NAA35: variants seen among roughly 807,000 people sequenced by gnomAD.
NAA35 encodes the protein MAK10 homolog, amino-acid N-acetyltransferase subunit.
NAA35 carries 18 observed loss-of-function variants against 101.7 expected under a neutral mutation model. That is an observed-to-expected ratio of 0.18 (90% CI 0.12 to 0.26). NAA35 has a LOEUF of 0.26. NAA35 is among the 10% of genes least tolerant of loss of function. The pLI is 1.00. For synonymous variants in NAA35, 267 were observed against 273.1 expected (o/e 0.98, Z 0.22); for missense variants, 601 against 886.8 (o/e 0.68, Z 4.09).
At chr9:86,017,725 C>T (rs545751707) in intron 19 of NAA35, among the ~76,000 whole-genome samples, 160 bp downstream of exon 19, 1 of 152,258 alleles carries the variant, frequency 6.6e-6, no homozygotes, top group African/African-American at 2.4e-5. Context: ...ATTTTTTCAA[C>T]AACCATTTGA....
At chr9:85,948,275 A>G (rs925552637) in intron 2 of NAA35, among the ~76,000 whole-genome samples, 1 of 152,134 alleles carries the variant, frequency 6.6e-6, no homozygotes, top group African/African-American at 2.4e-5. Flanking sequence ...TACACAAAAA[A>G]TTTTTACCCA....
chr9:86,016,970 A>G (rs1311218746), intron 18 of NAA35, among the ~76,000 whole-genome samples: 1 of 152,242 alleles, frequency 6.6e-6, no homozygotes, highest in African/African-American at 2.4e-5. Context: ...CCAGTGACCT[A>G]TTGACAGAGC....
intron 1 of NAA35, chr9:85,941,513 C>T (rs1828512729): frequency 1.0e-6 from 1 of 985,578 alleles, no homozygotes; most frequent in African/African-American, 1.7e-5. Context: ...TCCCGCGCGG[C>T]GACAGCTCTG....
intron 2 of NAA35, among the ~76,000 whole-genome samples, chr9:85,955,360 A>ATTTTTTTTTTT (rs61549690): frequency 1.3e-4 from 7 of 53,940 alleles, no homozygotes; most frequent in African/African-American, 3.9e-4. Flanking sequence ...ATATATATAT[A>ATTTTTTTTTTT]TTTTTTTTTT....
intron 16 of NAA35, among the ~76,000 whole-genome samples, 164 bp downstream of exon 16, chr9:86,013,308 CAG>C (rs375439812): frequency 3.9e-5 from 6 of 152,036 alleles, no homozygotes; most frequent in African/African-American, 9.7e-5. Flanking sequence ...CAAAATGAAA[CAG>C]AACAATAATC....
chr9:85,953,930 A>G (rs944542513), intron 2 of NAA35, among the ~76,000 whole-genome samples: 2 of 152,166 alleles, frequency 1.3e-5, no homozygotes, highest in Admixed American at 6.5e-5. Context: ...TCATCTGTCA[A>G]TGGGCGCTTG....
chr9:85,997,602 C>T (rs1320645454), intron 12 of NAA35, among the ~76,000 whole-genome samples: 2 of 152,118 alleles, frequency 1.3e-5, no homozygotes, highest in Non-Finnish European at 2.9e-5. Context: ...TTTGGCCTCC[C>T]AAAGTGCTGG....
intron 2 of NAA35, among the ~76,000 whole-genome samples, chr9:85,943,381 C>G (rs547345454): frequency 6.6e-5 from 10 of 152,148 alleles, no homozygotes; most frequent in African/African-American, 2.4e-4. Context: ...TGAAGGAATT[C>G]ACTCCTGATG....
chr9:85,982,316 ATTG>A (rs1301729299), intron 11 of NAA35, among the ~76,000 whole-genome samples: 3 of 152,144 alleles, frequency 2.0e-5, no homozygotes, highest in Non-Finnish European at 2.9e-5. Flanking sequence ...CTTGGGTTAT[ATTG>A]TTGTTGAAGG....
At chr9:85,996,216 T>A (rs1831149167) in intron 11 of NAA35, among the ~76,000 whole-genome samples, 183 bp from the exon 12 acceptor site, 1 of 152,182 alleles carries the variant, frequency 6.6e-6, no homozygotes, top group Non-Finnish European at 1.5e-5. Flanking sequence ...AATCTACTTG[T>A]TTAGTTTTTA....
intron 21 of NAA35, among the ~76,000 whole-genome samples, chr9:86,019,721 A>G (rs1021437529): frequency 6.6e-6 from 1 of 152,204 alleles, no homozygotes; most frequent in African/African-American, 2.4e-5. Context: ...TTTGGGAAGT[A>G]TATCTTGGGA....
Position 85,979,255 on chromosome 9 carries a change from G to T in NAA35, c.877+874G>T, listed in dbSNP as rs571179969. On this transcript the variant is annotated intron_variant, in intron 11 of 22. Coordinates refer to ENST00000361671, the MANE Select transcript of NAA35 (RefSeq NM_024635.4). The stretch of plus-strand genomic sequence containing the variant: ...CACGTCCACCCTACTGCTGTGTCCG[G>T]TTTCCATTGGCTGGAACAGGACCTT... Among the ~76,000 whole-genome samples, 237 of 152,250 alleles carry T rather than the reference G, an allele frequency of 1.6e-3. 1 individual carries two copies. Among genetic ancestry groups the T allele is most frequent in the African/African-American group, 5.2e-3 (218 of 41,542 alleles).
chr9:86,012,218 CAAG>C (rs1354221939), intron 15 of NAA35, among the ~76,000 whole-genome samples: 8 of 151,046 alleles, frequency 5.3e-5, no homozygotes, highest in Non-Finnish European at 2.9e-5. Flanking sequence ...CTCCCAGGTT[CAAG>C]AAGTTCTCTG....
At chr9:85,970,626 T>C (rs1268468852) in intron 6 of NAA35, among the ~76,000 whole-genome samples, 1 of 152,190 alleles carries the variant, frequency 6.6e-6, no homozygotes, top group Non-Finnish European at 1.5e-5. Context: ...TGAAGAAATA[T>C]CAGGCACACC....
intron 2 of NAA35, among the ~76,000 whole-genome samples, chr9:85,952,350 A>G (rs1587558566): frequency 6.9e-6 from 1 of 145,478 alleles, no homozygotes; most frequent in African/African-American, 2.6e-5. Flanking sequence ...CAGTGGCGCC[A>G]TCTCGGCTCA....
chr9:86,012,741 T>C (rs888131609), intron 15 of NAA35, among the ~76,000 whole-genome samples: 1 of 152,210 alleles, frequency 6.6e-6, no homozygotes, highest in Admixed American at 6.5e-5. Context: ...ACATTGGCTT[T>C]TGACTCAAGC....
intron 17 of NAA35, among the ~76,000 whole-genome samples, chr9:86,015,418 G>A (rs1305119100): frequency 6.6e-6 from 1 of 151,790 alleles, no homozygotes; most frequent in African/African-American, 2.4e-5. Flanking sequence ...TCATGCATAC[G>A]GTCCCTGAAG....
chr9:85,989,043 T>G (rs1397582388), intron 11 of NAA35, among the ~76,000 whole-genome samples: 1 of 152,198 alleles, frequency 6.6e-6, no homozygotes, highest in Non-Finnish European at 1.5e-5. Context: ...CAGGATAAAT[T>G]GATAAAGAAT....
In NAA35 at chr9:85,986,660, A is replaced by G. The variant is rs144833818; in HGVS notation, c.877+8279A>G. The stretch of plus-strand genomic sequence containing the variant: ...AGTGCAATGGCGTGATCTCGGCTCA[A>G]TGCAACCTCTGCCTCCCGGGTTCAA... On this transcript the variant is annotated intron_variant, in intron 11 of 22. Transcript: ENST00000361671. The G allele has an allele frequency of 2.9e-3, 913 of 320,042 alleles. 2 individuals are homozygous for G. The highest frequency in any genetic ancestry group is 0.015 in the African/African-American group (669 of 43,942). 19.8% of individuals were successfully genotyped at this position (320,042 alleles called of 1,614,324 possible).
Sources: gnomAD v4.1 joint callset for allele counts (sites outside exome capture counted in the v4.1 genomes callset) on GRCh38, gnomAD v4.1.1 for gene constraint, MANE v1.5 for transcripts, NCBI Gene and HGNC (gene_info 2026-07-23, HGNC 2026-07-21) for gene names.